The following NBAS variants were observed in gnomAD, a reference collection of about 807,000 sequenced individuals.
NBAS encodes NBAS subunit of NRZ tethering complex.
Under a neutral mutation model 302.5 loss-of-function variants are expected in NBAS, and 219 were observed. That is an observed-to-expected ratio of 0.72 (90% CI 0.65 to 0.81). The LOEUF is 0.81. Among genes scored for constraint, NBAS ranks in the 30% least tolerant of loss-of-function variants. The pLI is 0.00. For missense variants in NBAS, 2,932 were observed against 2,841.6 expected (o/e 1.03, Z -0.72); for synonymous variants, 1,118 against 1,021.6 (o/e 1.09, Z -1.80).
At chr2:14,870,678 C>T in the NBAS span, among the ~76,000 whole-genome samples, 1 of 148,880 alleles carries the variant, frequency 6.7e-6, no homozygotes, top group East Asian at 2.0e-4. Flanking sequence ...AAATTTTAAA[C>T]ACACAAAAAA....
At chr2:14,959,413 C>G in the NBAS span, among the ~76,000 whole-genome samples, 1 of 152,174 alleles carries the variant, frequency 6.6e-6, no homozygotes, top group East Asian at 1.9e-4. Context: ...TTAACCATTG[C>G]CCAACTGCTT....
intron 27 of NBAS, 103 bp from the exon 28 acceptor site, chr2:15,394,452 A>G (rs1031332213): frequency 8.0e-7 from 1 of 1,256,668 alleles, no homozygotes; most frequent in East Asian, 2.4e-5. Context: ...ATTAAAAAAA[A>G]ATTATCCCAT....
intron 23 of NBAS, among the ~76,000 whole-genome samples, chr2:15,421,102 C>T (rs191399705): frequency 2.6e-5 from 4 of 151,772 alleles, no homozygotes; most frequent in Admixed American, 1.3e-4. Flanking sequence ...AGTTCAAGTC[C>T]GAAAGAATAC....
chr2:15,383,134 G>A, intron 29 of NBAS, 81 bp downstream of exon 29: 1 of 1,182,658 alleles, frequency 8.5e-7, no homozygotes, highest in South Asian at 1.3e-5. Flanking sequence ...GGTAGCTTAT[G>A]GTCATCAATC....
chr2:15,377,524 C>A (rs181628194), intron 30 of NBAS, among the ~76,000 whole-genome samples: 5 of 152,316 alleles, frequency 3.3e-5, no homozygotes, highest in Non-Finnish European at 2.9e-5. Context: ...CTACTATTAT[C>A]CACATTTTAC....
chr2:15,138,301 G>C, the NBAS span, among the ~76,000 whole-genome samples: 1 of 152,154 alleles, frequency 6.6e-6, no homozygotes, highest in Non-Finnish European at 1.5e-5. Flanking sequence ...CTGGAGCAGG[G>C]AGCACAAGGA....
chr2:15,476,405 C>A (rs1049356756), intron 13 of NBAS, among the ~76,000 whole-genome samples: 7 of 151,958 alleles, frequency 4.6e-5, no homozygotes, highest in African/African-American at 1.7e-4. Flanking sequence ...AAATTTATGG[C>A]TAGCAAAGAA....
chr2:15,028,598 G>C, the NBAS span, among the ~76,000 whole-genome samples: 1 of 152,164 alleles, frequency 6.6e-6, no homozygotes, highest in African/African-American at 2.4e-5. Flanking sequence ...GCATAATTGA[G>C]CAATCTGTGT....
the NBAS span, among the ~76,000 whole-genome samples, chr2:14,869,836 T>C: frequency 6.6e-6 from 1 of 152,202 alleles, no homozygotes; most frequent in Non-Finnish European, 1.5e-5. Flanking sequence ...TCTGTGGCCA[T>C]TGTGGACTTG....
chr2:14,784,862 A>G, the NBAS span, among the ~76,000 whole-genome samples: 2 of 152,280 alleles, frequency 1.3e-5, no homozygotes, highest in African/African-American at 2.4e-5. Context: ...GAAGAAAGTC[A>G]TTGGTAGCTT....
chr2:15,304,200 G>C (rs898848707), intron 40 of NBAS, among the ~76,000 whole-genome samples: 8 of 152,158 alleles, frequency 5.3e-5, no homozygotes, highest in African/African-American at 1.9e-4. Context: ...CCGTTCTGGT[G>C]GTAATGAGTG....
intron 44 of NBAS, among the ~76,000 whole-genome samples, chr2:15,257,376 G>A (rs1668646752): frequency 6.7e-6 from 1 of 149,648 alleles, no homozygotes; most frequent in South Asian, 2.1e-4. Flanking sequence ...TGTGGTATCA[G>A]TTGTAACATC....
chr2:15,049,979 C>T, the NBAS span, among the ~76,000 whole-genome samples: 2 of 152,206 alleles, frequency 1.3e-5, no homozygotes. Flanking sequence ...CAGCTGGGGA[C>T]TTGGGGACCT....
intron 44 of NBAS, among the ~76,000 whole-genome samples, chr2:15,248,116 G>A (rs543314125): frequency 1.3e-5 from 2 of 152,310 alleles, no homozygotes; most frequent in East Asian, 3.9e-4. Context: ...TCAGGCCACA[G>A]TGCAATCAAA....
At chr2:15,547,787 T>C (rs1049269694) in intron 6 of NBAS, among the ~76,000 whole-genome samples, 1 of 152,182 alleles carries the variant, frequency 6.6e-6, no homozygotes. Flanking sequence ...GGCAACTTCT[T>C]GACCTTTACA....
intron 29 of NBAS, 26 bp from the exon 30 acceptor site, chr2:15,379,857 A>G: frequency 6.3e-7 from 1 of 1,593,226 alleles, no homozygotes; most frequent in Non-Finnish European, 8.6e-7. Flanking sequence ...AACTGGAATT[A>G]GTTATAGAGA....
chr2:15,236,843 A>C (rs537289281), intron 45 of NBAS, among the ~76,000 whole-genome samples: 3 of 152,112 alleles, frequency 2.0e-5, no homozygotes, highest in African/African-American at 4.8e-5. Context: ...AACATTATTC[A>C]TTAGACAGAA....
the NBAS span, among the ~76,000 whole-genome samples, chr2:14,975,152 G>C: frequency 1.3e-5 from 2 of 152,098 alleles, no homozygotes; most frequent in African/African-American, 4.8e-5. Context: ...AGAGCCTCTA[G>C]ATAAGAGCTT....
the NBAS span, among the ~76,000 whole-genome samples, chr2:14,926,350 G>T: frequency 6.6e-6 from 1 of 152,238 alleles, no homozygotes; most frequent in Non-Finnish European, 1.5e-5. Flanking sequence ...TTTTCAAAGA[G>T]CAACAAAGTC....
Sources: gnomAD v4.1 joint callset for allele counts (sites outside exome capture counted in the v4.1 genomes callset) on GRCh38, gnomAD v4.1.1 for gene constraint, MANE v1.5 for transcripts, NCBI Gene and HGNC (gene_info 2026-07-23, HGNC 2026-07-21) for gene names.